Variants in HS6ST2 observed in about 807,000 individuals in gnomAD.
The protein encoded by HS6ST2 is heparan-sulfate 6-O-sulfotransferase 2.
Under a neutral mutation model 33.0 loss-of-function variants are expected in HS6ST2, and 17 were observed. The observed-to-expected ratio is 0.52, with a 90% confidence interval of 0.35 to 0.77. The LOEUF (loss-of-function observed/expected upper bound fraction) is 0.77. Ranked by LOEUF, HS6ST2 falls within the 30% of genes least tolerant of loss-of-function variation. The pLI, the probability that HS6ST2 is intolerant of heterozygous loss-of-function variation, is 0.01. For missense variants in HS6ST2, 519 were observed against 551.7 expected, an observed-to-expected ratio of 0.94 and a Z score of 0.59; for synonymous variants, 248 against 237.1, an observed-to-expected ratio of 1.05 and a Z score of -0.42.
At chrX:132,918,946 T>C (rs1367347281) in intron 2 of HS6ST2, among the ~76,000 whole-genome samples, 1 of 112,390 alleles carries the variant, frequency 8.9e-6, no homozygotes, top group Non-Finnish European at 1.9e-5. Context: ...AAAGAGATAA[T>C]GAGAGGATAA....
chrX:132,771,529 C>T (rs1355247185), intron 2 of HS6ST2, among the ~76,000 whole-genome samples: 1 of 111,407 alleles, frequency 9.0e-6, no homozygotes, highest in African/African-American at 3.3e-5. Context: ...GCTGTTGAAA[C>T]CCCCCTTTGT....
At chrX:132,821,403 G>C (rs2065456199) in intron 2 of HS6ST2, among the ~76,000 whole-genome samples, 1 of 108,952 alleles carries the variant, frequency 9.2e-6, no homozygotes, top group African/African-American at 3.3e-5. Flanking sequence ...TAGTAGAGAC[G>C]GGGTTTCACC....
intron 4 of HS6ST2, among the ~76,000 whole-genome samples, chrX:132,663,387 C>T (rs1433667778): frequency 8.9e-6 from 1 of 112,008 alleles, no homozygotes; most frequent in East Asian, 2.8e-4. Context: ...AGATCTCACA[C>T]TATTCTGGAT....
At chrX:132,865,771 G>C (rs2065969526) in intron 2 of HS6ST2, among the ~76,000 whole-genome samples, 1 of 112,140 alleles carries the variant, frequency 8.9e-6, no homozygotes, top group Non-Finnish European at 1.9e-5. Context: ...CTGGATAAAT[G>C]TCTTCTTTTG....
intron 2 of HS6ST2, among the ~76,000 whole-genome samples, chrX:132,709,402 G>T (rs2064211175): frequency 8.9e-6 from 1 of 111,999 alleles, no homozygotes; most frequent in Non-Finnish European, 1.9e-5. Context: ...GGCCTTAGAA[G>T]TGAGTTAAGA....
intron 2 of HS6ST2, among the ~76,000 whole-genome samples, chrX:132,878,601 AATGCTCAAAG>A (rs1259999207): frequency 8.9e-6 from 1 of 111,905 alleles, no homozygotes; most frequent in Non-Finnish European, 1.9e-5. Flanking sequence ...TTTTCTTTTT[AATGCTCAAAG>A]ATGGTGAATG....
intron 2 of HS6ST2, among the ~76,000 whole-genome samples, chrX:132,933,197 A>T (rs2066792942): frequency 1.8e-5 from 2 of 109,421 alleles, no homozygotes; most frequent in African/African-American, 6.6e-5. Context: ...GCATGGTGGC[A>T]TGCGTCTGTA....
chrX:132,944,114 C>T (rs749069302), intron 2 of HS6ST2, among the ~76,000 whole-genome samples: 275 of 111,623 alleles, frequency 2.5e-3, no homozygotes, highest in African/African-American at 8.5e-3. Flanking sequence ...AAAACCCCAT[C>T]GTCTCAGCCC....
At chrX:132,782,576 G>A (rs545317524) in intron 2 of HS6ST2, among the ~76,000 whole-genome samples, 11 of 111,799 alleles carry the variant, frequency 9.8e-5, no homozygotes, top group Admixed American at 4.8e-4. Flanking sequence ...GTTGAATGGG[G>A]TGGTGGTTAG....
In HS6ST2 at chrX:132,628,722, G is replaced by A; in HGVS notation, c.1439C>T (p.Thr480Ile). ...GAAGGTTTTCTCAAACAGATATTGG[G>A]TCTTCCGCTGAAACTCAGTGAGGCC... is the stretch of plus-strand genomic sequence containing the variant. ...FFGLTEFQRK[T>I]QYLFEKTFNM... The change falls in exon 5 of 5, where the codon ACC (threonine) becomes ATC (isoleucine). Residue 480 changes from threonine to isoleucine, a missense_variant. Coordinates refer to ENST00000370833, the MANE Select transcript of HS6ST2 (RefSeq NM_001394073.1). 8.3e-7 allele frequency: 1 copy of A among 1,211,505 alleles called. No homozygotes were observed. The highest frequency in any genetic ancestry group is 1.7e-5 in the African/African-American group (1 of 57,728).
intron 4 of HS6ST2, among the ~76,000 whole-genome samples, chrX:132,648,538 CAA>C (rs386417567): frequency 6.9e-5 from 4 of 57,572 alleles, no homozygotes; most frequent in African/African-American, 5.8e-5. Context: ...TGGAAAGAGA[CAA>C]AAAAAAAAAA....
At chrX:132,653,322 T>C (rs1303760587) in intron 4 of HS6ST2, among the ~76,000 whole-genome samples, 1 of 112,456 alleles carries the variant, frequency 8.9e-6, no homozygotes, top group East Asian at 2.8e-4. Context: ...AATTAGTCCA[T>C]TTCTTTTCAA....
At chrX:132,865,408 T>G (rs1186604799) in intron 2 of HS6ST2, among the ~76,000 whole-genome samples, 4 of 110,272 alleles carry the variant, frequency 3.6e-5, no homozygotes, top group Non-Finnish European at 7.6e-5. Context: ...TCCAAGTCTT[T>G]GCTATTGTGA....
intron 2 of HS6ST2, among the ~76,000 whole-genome samples, chrX:132,847,537 A>T (rs2065763557): frequency 9.0e-6 from 1 of 111,729 alleles, no homozygotes; most frequent in South Asian, 3.8e-4. Context: ...GTATGGTGAG[A>T]TCACCAAAAG....
rs183695151 is a variant in HS6ST2 at position 132,850,440 on chromosome X, T to C, written c.947+106368A>G. ...GCCGACAGACAGTGCAATATACCAG[T>C]ACAAATCAGGCAATCTGAGCTCCAG... On this transcript the variant is annotated intron_variant, in intron 2 of 4. Transcript: ENST00000370833. 4.8e-4 allele frequency among the ~76,000 whole-genome samples: 53 copies of C among 111,323 alleles called. No homozygotes were observed. In the Admixed American group the frequency reaches 4.8e-3, roughly 10 times the overall value.
At chrX:132,651,723 A>G (rs887112691) in intron 4 of HS6ST2, among the ~76,000 whole-genome samples, 3 of 111,904 alleles carry the variant, frequency 2.7e-5, no homozygotes, top group African/African-American at 9.8e-5. Context: ...TTGTGAGAAA[A>G]TTCCAGAGGC....
chrX:132,771,530 C>A (rs2064899989), intron 2 of HS6ST2, among the ~76,000 whole-genome samples: 1 of 111,204 alleles, frequency 9.0e-6, no homozygotes, highest in Non-Finnish European at 1.9e-5. Flanking sequence ...CTGTTGAAAC[C>A]CCCCTTTGTG....
intron 2 of HS6ST2, among the ~76,000 whole-genome samples, chrX:132,801,415 T>C (rs753232108): frequency 3.6e-4 from 40 of 112,283 alleles, no homozygotes; most frequent in Middle Eastern, 4.6e-3. Flanking sequence ...TTTGATTAGT[T>C]TTACTGCCTT....
chrX:132,803,171 A>T (rs2065251367), intron 2 of HS6ST2, among the ~76,000 whole-genome samples: 1 of 111,376 alleles, frequency 9.0e-6, no homozygotes, highest in Non-Finnish European at 1.9e-5. Context: ...TTTGCCCCTT[A>T]TTGGCCCCCT....
Sources: gnomAD v4.1 joint callset for allele counts (sites outside exome capture counted in the v4.1 genomes callset) on GRCh38, gnomAD v4.1.1 for gene constraint, MANE v1.5 for transcripts, NCBI Gene and HGNC (gene_info 2026-07-23, HGNC 2026-07-21) for gene names.